Variants in SGCZ observed in about 807,000 individuals in gnomAD.
SGCZ encodes zeta-sarcoglycan.
SGCZ carries 40 observed loss-of-function variants against 41.3 expected under a neutral mutation model. The observed-to-expected ratio is 0.97, with a 90% CI of 0.75 to 1.26. The LOEUF (loss-of-function observed/expected upper bound fraction) is 1.26, where lower values mean the gene tolerates loss of function less well. SGCZ is among the 50% of genes most tolerant of loss of function. The pLI, the probability that SGCZ is intolerant of heterozygous loss-of-function variation, is 0.00. For missense variants in SGCZ, 552 were observed against 369.8 expected (o/e 1.49, Z -4.04); for synonymous variants, 206 against 137.5 (o/e 1.50, Z -3.49).
intron 1 of SGCZ, among the ~76,000 whole-genome samples, chr8:15,115,769 A>G (rs1807245795): frequency 6.6e-6 from 1 of 152,258 alleles, no homozygotes; most frequent in Non-Finnish European, 1.5e-5. Flanking sequence ...AAGCTATTTT[A>G]AAACACATGT....
At chr8:14,817,325 C>A (rs1801938144) in intron 1 of SGCZ, among the ~76,000 whole-genome samples, 2 of 152,054 alleles carry the variant, frequency 1.3e-5, no homozygotes, top group Admixed American at 1.3e-4. Flanking sequence ...CGGTGGTCAT[C>A]ACTACTGCCA....
At chr8:14,553,283 A>G (rs994059282) in intron 2 of SGCZ, among the ~76,000 whole-genome samples, 1 of 152,046 alleles carries the variant, frequency 6.6e-6, no homozygotes, top group African/African-American at 2.4e-5. Flanking sequence ...GAAGTGATTC[A>G]GATGCATTCC....
chr8:14,174,736 C>A (rs567120629), intron 4 of SGCZ, among the ~76,000 whole-genome samples: 1 of 152,094 alleles, frequency 6.6e-6, no homozygotes, highest in Non-Finnish European at 1.5e-5. Flanking sequence ...GCCAGGGCTG[C>A]TGTAATAAAG....
chr8:15,199,855 G>C (rs1800840316), intron 1 of SGCZ, among the ~76,000 whole-genome samples: 1 of 152,118 alleles, frequency 6.6e-6, no homozygotes, highest in Admixed American at 6.5e-5. Flanking sequence ...GAAATGGGCA[G>C]AATAGGACAA....
At chr8:15,012,380 T>G (rs1802854533) in intron 1 of SGCZ, among the ~76,000 whole-genome samples, 1 of 150,728 alleles carries the variant, frequency 6.6e-6, no homozygotes, top group Non-Finnish European at 1.5e-5. Flanking sequence ...AGAGGATCAC[T>G]TGACCCCAGG....
chr8:14,451,862 A>G (rs377555620), intron 2 of SGCZ, among the ~76,000 whole-genome samples: 2 of 152,206 alleles, frequency 1.3e-5, no homozygotes, highest in East Asian at 3.9e-4. Context: ...AACAACAGAA[A>G]CTCTCATTGA....
At chr8:14,637,277 A>G (rs1806862433) in intron 1 of SGCZ, among the ~76,000 whole-genome samples, 1 of 151,198 alleles carries the variant, frequency 6.6e-6, no homozygotes, top group Admixed American at 6.6e-5. Flanking sequence ...ATGTTCTCTA[A>G]AACTGTCCTC....
At chr8:14,262,791 T>G (rs1269988130) in intron 3 of SGCZ, among the ~76,000 whole-genome samples, 1 of 147,990 alleles carries the variant, frequency 6.8e-6, no homozygotes, top group Non-Finnish European at 1.5e-5. Context: ...CAAATCCCAG[T>G]CAAACAAAGT....
chr8:14,364,142 T>C (rs989662851), intron 2 of SGCZ, among the ~76,000 whole-genome samples: 1 of 152,208 alleles, frequency 6.6e-6, no homozygotes, highest in African/African-American at 2.4e-5. Context: ...ATGTGTTTAT[T>C]TCTATGAAAA....
At chr8:14,704,340 T>C (rs1469144734) in intron 1 of SGCZ, among the ~76,000 whole-genome samples, 1 of 151,896 alleles carries the variant, frequency 6.6e-6, no homozygotes, top group Admixed American at 6.6e-5. Flanking sequence ...AATGTAATCA[T>C]TTTTTTGAAA....
chr8:14,235,849 T>G (rs1187787869), intron 4 of SGCZ, among the ~76,000 whole-genome samples: 2 of 152,162 alleles, frequency 1.3e-5, no homozygotes, highest in African/African-American at 2.4e-5. Flanking sequence ...CATGCCCAAA[T>G]AATTTTTGTA....
chr8:15,157,998 G>C (rs937408577), intron 1 of SGCZ, among the ~76,000 whole-genome samples: 1 of 151,996 alleles, frequency 6.6e-6, no homozygotes, highest in Admixed American at 6.5e-5. Flanking sequence ...CTTTTGTTTT[G>C]CTGTTGCTAG....
intron 1 of SGCZ, among the ~76,000 whole-genome samples, chr8:15,158,246 T>A (rs550811052): frequency 4.5e-4 from 69 of 152,240 alleles, no homozygotes; most frequent in African/African-American, 1.6e-3. Context: ...CATACCAGGT[T>A]TCTCTTTCTG....
rs151084253 is a variant in SGCZ at position 14,183,101 on chromosome 8, C to G, written c.425-18399G>C. On this transcript the variant is annotated intron_variant, in intron 4 of 7. Transcript: ENST00000382080. ...TGCAAATAAATAGTAATAAAAAACA[C>G]ATTATTACAAATATTACAGGTGTTA... is the stretch of plus-strand genomic sequence containing the variant. Among the ~76,000 whole-genome samples the G allele has an allele frequency of 6.0e-4, 91 of 150,918 alleles. No individual in the cohort carries two copies. In the East Asian group the frequency reaches 0.017, roughly 27 times the overall value.
At chr8:14,284,499 T>C (rs1251188664) in intron 3 of SGCZ, among the ~76,000 whole-genome samples, 1 of 152,228 alleles carries the variant, frequency 6.6e-6, no homozygotes, top group African/African-American at 2.4e-5. Flanking sequence ...TTTCAAATTA[T>C]CCATGCCTTT....
At chr8:14,282,137 A>AC (rs937809041) in intron 3 of SGCZ, among the ~76,000 whole-genome samples, 7 of 152,010 alleles carry the variant, frequency 4.6e-5, no homozygotes, top group Non-Finnish European at 1.0e-4. Context: ...TATGTAAAAA[A>AC]AAATCAAAGA....
chr8:14,235,754 G>C (rs529396191), intron 4 of SGCZ, among the ~76,000 whole-genome samples: 3 of 152,088 alleles, frequency 2.0e-5, no homozygotes, highest in Admixed American at 2.0e-4. Context: ...GCCCAATCTC[G>C]GCTCACTGCA....
intron 1 of SGCZ, among the ~76,000 whole-genome samples, chr8:14,678,577 A>T (rs1011511134): frequency 1.3e-5 from 2 of 152,366 alleles, no homozygotes; most frequent in Non-Finnish European, 2.9e-5. Flanking sequence ...ATTCTCATCC[A>T]TTGCTGGTAA....
At chr8:15,105,784 A>G (rs1399848171) in intron 1 of SGCZ, among the ~76,000 whole-genome samples, 1 of 152,194 alleles carries the variant, frequency 6.6e-6, no homozygotes, top group Non-Finnish European at 1.5e-5. Flanking sequence ...TATATATAGC[A>G]AATCTTACCA....
Sources: gnomAD v4.1 joint callset for allele counts (sites outside exome capture counted in the v4.1 genomes callset) on GRCh38, gnomAD v4.1.1 for gene constraint, MANE v1.5 for transcripts, NCBI Gene and HGNC (gene_info 2026-07-23, HGNC 2026-07-21) for gene names.